The following APMAP variants were observed in gnomAD, a reference collection of about 807,000 sequenced individuals.
The protein encoded by APMAP is adipocyte plasma membrane-associated protein.
Under a neutral mutation model 43.6 loss-of-function variants are expected in APMAP, and 33 were observed. The ratio of observed to expected loss-of-function variants is 0.76; its 90% CI spans 0.57 to 1.01. The LOEUF (loss-of-function observed/expected upper bound fraction) is 1.01. Among genes scored for constraint, APMAP ranks in the 50% least tolerant of loss-of-function variants. APMAP has a pLI of 0.00. For missense variants in APMAP, 498 were observed against 540.7 expected, an observed-to-expected ratio of 0.92 and a Z score of 0.78; for synonymous variants, 224 against 216.7, an observed-to-expected ratio of 1.03 and a Z score of -0.30.
intron 8 of APMAP, chr20:24,964,486 A>G (rs2087927108): frequency 2.1e-6 from 1 of 468,754 alleles, no homozygotes; most frequent in Non-Finnish European, 4.4e-6. Flanking sequence ...GCTCACATTC[A>G]AAAAAAGCAA....
chr20:24,989,830 G>A (rs1024139690), intron 1 of APMAP, among the ~76,000 whole-genome samples: 7 of 152,124 alleles, frequency 4.6e-5, no homozygotes, highest in Admixed American at 2.0e-4. Context: ...TCATGAATTC[G>A]TGAATGCCCA....
chr20:24,986,551 C>T (rs1243894885), intron 1 of APMAP, among the ~76,000 whole-genome samples: 3 of 152,188 alleles, frequency 2.0e-5, no homozygotes, highest in African/African-American at 7.2e-5. Flanking sequence ...ATAAAAATGT[C>T]TACAAAGCAC....
intron 5 of APMAP, 141 bp downstream of exon 5, chr20:24,971,319 G>C: frequency 2.8e-6 from 2 of 726,408 alleles, no homozygotes; most frequent in Non-Finnish European, 4.2e-6. Flanking sequence ...TGCAGGCAAT[G>C]TTTTCAGTAC....
chr20:24,982,108 C>A (rs2088109060), intron 2 of APMAP, among the ~76,000 whole-genome samples: 1 of 151,106 alleles, frequency 6.6e-6, no homozygotes, highest in Non-Finnish European at 1.5e-5. Flanking sequence ...GGCTGTGATT[C>A]CAATGCCATA....
chr20:24,975,381 AT>A (rs1421299303), intron 3 of APMAP, among the ~76,000 whole-genome samples: 1 of 152,224 alleles, frequency 6.6e-6, no homozygotes, highest in Non-Finnish European at 1.5e-5. Flanking sequence ...TATACTAACA[AT>A]GAACAAATGG....
chr20:24,984,064 C>G, intron 1 of APMAP, 45 bp from the exon 2 acceptor site: 1 of 1,516,762 alleles, frequency 6.6e-7, no homozygotes, highest in Non-Finnish European at 9.1e-7. Flanking sequence ...GAGTCTCAGA[C>G]AGTGACAAGG....
chr20:24,978,371 C>T (rs2088068711), intron 3 of APMAP, among the ~76,000 whole-genome samples: 1 of 152,184 alleles, frequency 6.6e-6, no homozygotes, highest in Non-Finnish European at 1.5e-5. Flanking sequence ...AACCATTTGT[C>T]TTCATCACAG....
chr20:24,973,495 G>C (rs2088022905), intron 4 of APMAP, 150 bp downstream of exon 4: 2 of 714,064 alleles, frequency 2.8e-6, no homozygotes, highest in East Asian at 2.9e-5. Flanking sequence ...GGCAAATGAA[G>C]AGCTCGTAGT....
At chr20:24,985,935 G>A (rs542762817) in intron 1 of APMAP, among the ~76,000 whole-genome samples, 4 of 152,326 alleles carry the variant, frequency 2.6e-5, no homozygotes, top group East Asian at 1.9e-4. Context: ...TTGGAAACTG[G>A]AGCAAAGTGG....
At chr20:24,984,045 CA>C in intron 1 of APMAP, 26 bp from the exon 2 acceptor site, 1 of 1,570,496 alleles carries the variant, frequency 6.4e-7, no homozygotes, top group South Asian at 1.1e-5. Flanking sequence ...GATACAAAGG[CA>C]ATCAGCTGAG....
At chr20:24,973,578 C>T (rs1033584161) in intron 4 of APMAP, 67 bp downstream of exon 4, 29 of 1,486,116 alleles carry the variant, frequency 2.0e-5, no homozygotes, top group Non-Finnish European at 2.4e-5. Flanking sequence ...AAAGCAGTTC[C>T]ACACAACGAT....
intron 1 of APMAP, among the ~76,000 whole-genome samples, chr20:24,988,511 C>T (rs537298895): frequency 1.7e-4 from 26 of 152,192 alleles, no homozygotes; most frequent in African/African-American, 6.0e-4. Flanking sequence ...CCCAATGCTG[C>T]GGGATCTACC....
At position 24,978,750 on chromosome 20, in the gene APMAP, C is replaced by CGA; in HGVS notation, c.328+16_328+17insTC. 1 of 1,408,778 alleles carries CGA rather than the reference C, an allele frequency of 7.1e-7. No individual in the cohort carries two copies. Among genetic ancestry groups the CGA allele is most frequent in the Non-Finnish European group, 9.8e-7 (1 of 1,020,518 alleles). 87.3% of individuals were successfully genotyped at this position (1,408,778 alleles called of 1,614,324 possible). ...GACAGCCTGGAAGGCTCCCCCCCCA[C>CGA]CCAAGCTTAGACTTACCCCCAATAT... On this transcript the variant is annotated intron_variant, in intron 3 of 8. Coordinates refer to ENST00000217456, the MANE Select transcript of APMAP (RefSeq NM_020531.3).
At chr20:24,984,143 C>T (rs940570413) in intron 1 of APMAP, 124 bp from the exon 2 acceptor site, 6 of 661,880 alleles carry the variant, frequency 9.1e-6, no homozygotes, top group Middle Eastern at 4.2e-4. Context: ...GCAAGCTGGC[C>T]GACCTCTGGC....
chr20:24,989,137 T>C (rs181684099), intron 1 of APMAP, among the ~76,000 whole-genome samples: 2 of 152,228 alleles, frequency 1.3e-5, no homozygotes, highest in Non-Finnish European at 2.9e-5. Context: ...AAGAACACTG[T>C]ATCGATCCCT....
Position 24,992,647 on chromosome 20 carries a change from C to A in APMAP, c.42G>T (p.Arg14=). Residue 14 remains arginine (R), a synonymous_variant, in exon 1 of 9, where the codon CGG becomes CGT. Transcript: ENST00000217456. The part of the protein sequence containing the change: ...ADGLRQRRPL[R]PQVVTDDDGQ... Reference sequence around the variant, plus strand: ...CATCATCGTCTGTGACGACCTGCGGCCGCAGGGGCCGGCGCTGTCGCAGCC... The same window carrying A: ...CATCATCGTCTGTGACGACCTGCGGACGCAGGGGCCGGCGCTGTCGCAGCC... The A allele has an allele frequency of 6.4e-7, 1 of 1,564,486 alleles. No individual in the cohort carries two copies. Among genetic ancestry groups the A allele is most frequent in the Non-Finnish European group, 8.6e-7 (1 of 1,157,080 alleles).
At chr20:24,982,654 GCCAGCC>G (rs1440360583) in intron 2 of APMAP, among the ~76,000 whole-genome samples, 2 of 152,054 alleles carry the variant, frequency 1.3e-5, no homozygotes, top group Non-Finnish European at 2.9e-5. Flanking sequence ...CTTTTCCAAG[GCCAGCC>G]CCCCAACCCA....
At chr20:24,969,423 G>A (rs928547826) in intron 7 of APMAP, 103 bp downstream of exon 7, 13 of 1,467,794 alleles carry the variant, frequency 8.9e-6, no homozygotes, top group Non-Finnish European at 1.1e-5. Context: ...CAGAAGGTGC[G>A]CTGCTGCCTC....
chr20:24,982,274 GGTT>G (rs2088111576), intron 2 of APMAP, among the ~76,000 whole-genome samples: 1 of 39,230 alleles, frequency 2.5e-5, no homozygotes, highest in Non-Finnish European at 4.2e-5. Flanking sequence ...TGGCTGTGAT[GGTT>G]CCACTGCCAT....
Sources: allele counts gnomAD v4.1 joint callset (sites outside exome capture counted in the v4.1 genomes callset), GRCh38; gene constraint gnomAD v4.1.1; transcripts MANE v1.5; gene names NCBI Gene and HGNC (gene_info 2026-07-23, HGNC 2026-07-21).